Variants in PDE4D observed in about 807,000 individuals in gnomAD.
PDE4D encodes the protein phosphodiesterase 4D, also known as 3',5'-cyclic-AMP phosphodiesterase 4D.
In PDE4D, 24 loss-of-function variants were observed where a neutral mutation model predicts 87.4. The observed-to-expected ratio is 0.27, with a 90% confidence interval of 0.20 to 0.39. The LOEUF (loss-of-function observed/expected upper bound fraction) is 0.39, where lower values mean the gene tolerates loss of function less well. PDE4D is among the 10% of genes least tolerant of loss of function. PDE4D has a pLI of 1.00. For synonymous variants in PDE4D, 384 were observed against 383.2 expected (o/e 1.00, Z -0.02); for missense variants, 714 against 1,041.0 (o/e 0.69, Z 4.32).
At chr5:59,447,607 G>A (rs1459112827) in intron 1 of PDE4D, among the ~76,000 whole-genome samples, 1 of 152,348 alleles carries the variant, frequency 6.6e-6, no homozygotes, top group South Asian at 2.1e-4. Context: ...TAATTCATCG[G>A]AATGAGGAAG....
At chr5:59,469,593 G>C (rs535978496) in intron 1 of PDE4D, among the ~76,000 whole-genome samples, 3 of 152,118 alleles carry the variant, frequency 2.0e-5, no homozygotes, top group Non-Finnish European at 4.4e-5. Context: ...GAATAGGTGG[G>C]AGAAGGCACA....
chr5:59,730,873 G>A (rs1219430814), intron 1 of PDE4D, among the ~76,000 whole-genome samples: 2 of 151,996 alleles, frequency 1.3e-5, no homozygotes, highest in East Asian at 3.9e-4. Flanking sequence ...GCATATTTAT[G>A]GTATTATACC....
At chr5:59,796,986 A>T (rs1766558194) in intron 1 of PDE4D, 1 of 152,210 alleles carries the variant, frequency 6.6e-6, no homozygotes, top group African/African-American at 2.4e-5. Flanking sequence ...ACCTTTGAAT[A>T]AACTTATCCT....
In PDE4D at chr5:59,365,468, AAAAC is replaced by A. The variant is rs550620036; in HGVS notation, c.456-149504_456-149501del. ...CTGACAGAGTAAGACCCTATCTCTAAAAACAAACAAACAAACAAAAACAAGAAGA... is the reference window on the plus strand; with the variant it reads ...CTGACAGAGTAAGACCCTATCTCTAAAAACAAACAAACAAAAACAAGAAGA... On this transcript the variant is annotated intron_variant, in intron 1 of 14. Coordinates refer to ENST00000340635, the MANE Select transcript of PDE4D (RefSeq NM_001104631.2). Among the ~76,000 whole-genome samples the A allele has an allele frequency of 1.5e-3, 225 of 152,300 alleles. 1 individual carries two copies. Among genetic ancestry groups the A allele is most frequent in the African/African-American group, 5.2e-3 (218 of 41,564 alleles).
At chr5:60,510,362 A>G (rs1222882121) in intron 1 of PDE4D, among the ~76,000 whole-genome samples, 1 of 152,168 alleles carries the variant, frequency 6.6e-6, no homozygotes, top group Non-Finnish European at 1.5e-5. Flanking sequence ...GTTTCTTTCT[A>G]TACCTAGTCT....
intron 1 of PDE4D, among the ~76,000 whole-genome samples, chr5:59,427,811 C>T (rs1437515745): frequency 8.6e-5 from 12 of 139,368 alleles, no homozygotes; most frequent in Non-Finnish European, 1.7e-4. Context: ...GACACAGACC[C>T]TGTCTCAAAA....
At chr5:60,052,515 A>G (rs1270935269) in intron 2 of PDE4D, among the ~76,000 whole-genome samples, 1 of 152,156 alleles carries the variant, frequency 6.6e-6, no homozygotes, top group Admixed American at 6.5e-5. Context: ...CTCTCAATAC[A>G]CTAGGTATTG....
At chr5:59,056,972 T>G (rs1580561557) in intron 5 of PDE4D, among the ~76,000 whole-genome samples, 1 of 152,336 alleles carries the variant, frequency 6.6e-6, no homozygotes, top group South Asian at 2.1e-4. Context: ...GCTCCCATTA[T>G]GTGCCTCTTT....
At chr5:60,148,571 T>C (rs913891128) in intron 2 of PDE4D, among the ~76,000 whole-genome samples, 3 of 152,174 alleles carry the variant, frequency 2.0e-5, no homozygotes, top group Non-Finnish European at 4.4e-5. Context: ...GGGATGACTG[T>C]ACAAATGAGT....
chr5:59,840,700 GA>G (rs1742863760), intron 1 of PDE4D, among the ~76,000 whole-genome samples: 1 of 152,124 alleles, frequency 6.6e-6, no homozygotes, highest in East Asian at 1.9e-4. Flanking sequence ...CAGAGGCAGG[GA>G]ATCTGGGCAC....
intron 2 of PDE4D, among the ~76,000 whole-genome samples, chr5:60,153,897 T>C (rs1412609960): frequency 6.6e-6 from 1 of 152,168 alleles, no homozygotes; most frequent in African/African-American, 2.4e-5. Context: ...AAGTATGAAG[T>C]TTCAGTTATG....
intron 1 of PDE4D, among the ~76,000 whole-genome samples, chr5:59,313,632 C>T (rs141156666): frequency 1.1e-3 from 162 of 152,234 alleles, no homozygotes; most frequent in African/African-American, 3.7e-3. Context: ...ATATGCAGTA[C>T]AAACCTTAAC....
chr5:59,350,531 C>CA (rs1186758432), intron 1 of PDE4D, among the ~76,000 whole-genome samples: 1 of 152,158 alleles, frequency 6.6e-6, no homozygotes, highest in Non-Finnish European at 1.5e-5. Context: ...AGAGTATCCT[C>CA]ACACTTGCCA....
intron 1 of PDE4D, among the ~76,000 whole-genome samples, chr5:59,820,387 C>T (rs1396640420): frequency 6.6e-6 from 1 of 152,226 alleles, no homozygotes; most frequent in Non-Finnish European, 1.5e-5. Context: ...CTCACTTTTG[C>T]TGAACTTCAG....
chr5:59,650,152 C>T (rs954187563), intron 1 of PDE4D, among the ~76,000 whole-genome samples: 1 of 151,698 alleles, frequency 6.6e-6, no homozygotes, highest in Non-Finnish European at 1.5e-5. Context: ...TCAGTACTTT[C>T]CCTCTCACTT....
chr5:59,045,403 A>G (rs777340679), intron 5 of PDE4D, among the ~76,000 whole-genome samples: 3 of 152,028 alleles, frequency 2.0e-5, no homozygotes, highest in Non-Finnish European at 4.4e-5. Context: ...AAAATACAAA[A>G]TTAGTCGGGC....
chr5:60,294,331 A>G (rs534769152), intron 1 of PDE4D, among the ~76,000 whole-genome samples: 1 of 152,132 alleles, frequency 6.6e-6, no homozygotes, highest in South Asian at 2.1e-4. Context: ...ATATTGATTA[A>G]AGTCCTTTGT....
intron 1 of PDE4D, among the ~76,000 whole-genome samples, chr5:60,341,975 A>C (rs1445303352): frequency 2.6e-5 from 4 of 152,202 alleles, no homozygotes; most frequent in African/African-American, 9.6e-5. Context: ...ACTTCTGCAA[A>C]CCTCTTGCAA....
intron 2 of PDE4D, chr5:60,022,790 T>C (rs75853960): frequency 0.022 from 3,284 of 152,416 alleles, 48 homozygotes; most frequent in Non-Finnish European, 0.034. Flanking sequence ...ATTCATTCCA[T>C]TCTTCTTAGG....
Sources: gnomAD v4.1 joint callset for allele counts (sites outside exome capture counted in the v4.1 genomes callset) on GRCh38, gnomAD v4.1.1 for gene constraint, MANE v1.5 for transcripts, NCBI Gene and HGNC (gene_info 2026-07-23, HGNC 2026-07-21) for gene names.